The following EPHA6 variants were observed in gnomAD, a reference collection of about 807,000 sequenced individuals.
EPHA6 encodes ephrin type-A receptor 6.
A neutral mutation model predicts 112.0 loss-of-function variants in EPHA6; 50 were observed. That is an observed-to-expected ratio of 0.45 (90% CI 0.36 to 0.56). The LOEUF (loss-of-function observed/expected upper bound fraction) is 0.56. Ranked by LOEUF, EPHA6 falls within the 20% of genes least tolerant of loss-of-function variation. EPHA6 has a pLI of 0.00. For synonymous variants in EPHA6, 529 were observed against 490.7 expected, an observed-to-expected ratio of 1.08 and a Z score of -1.03; for missense variants, 1,280 against 1,417.4, an observed-to-expected ratio of 0.90 and a Z score of 1.56.
At chr3:97,171,121 A>G (rs1034692198) in intron 3 of EPHA6, among the ~76,000 whole-genome samples, 2 of 152,162 alleles carry the variant, frequency 1.3e-5, no homozygotes, top group African/African-American at 4.8e-5. Context: ...TAGAACAAAG[A>G]TGGTTAGTAT....
At chr3:97,670,797 T>TCA (rs748996387) in intron 14 of EPHA6, among the ~76,000 whole-genome samples, 29 of 152,232 alleles carry the variant, frequency 1.9e-4, no homozygotes, top group Non-Finnish European at 3.7e-4. Context: ...ATCACCGTCA[T>TCA]CACACACACT....
intron 5 of EPHA6, among the ~76,000 whole-genome samples, chr3:97,278,133 A>C (rs756638966): frequency 5.3e-5 from 8 of 152,226 alleles, no homozygotes; most frequent in African/African-American, 1.9e-4. Context: ...AAGGATGTTC[A>C]CTAAGCATGT....
intron 2 of EPHA6, among the ~76,000 whole-genome samples, chr3:96,980,308 A>T (rs1279543732): frequency 6.6e-6 from 1 of 152,156 alleles, no homozygotes; most frequent in Non-Finnish European, 1.5e-5. Context: ...TTAAATAGGG[A>T]ATCCTTTCCC....
chr3:97,748,901 C>A lies in EPHA6; in HGVS notation c.*200C>A. ...ACATAAATCCGTTCTGAATAACCTGCAACTAAAACCCTGGCCCACTGCAGA... is the reference window on the plus strand; with the variant it reads ...ACATAAATCCGTTCTGAATAACCTGAAACTAAAACCCTGGCCCACTGCAGA... On this transcript the variant is annotated 3_prime_UTR_variant, in exon 18 of 18. Transcript: ENST00000389672. The A allele has an allele frequency of 1.9e-6, 1 of 540,498 alleles. No individual in the cohort carries two copies. Among genetic ancestry groups the A allele is most frequent in the African/African-American group, 1.9e-5 (1 of 53,252 alleles). 33.5% of individuals were successfully genotyped at this position (540,498 alleles called of 1,614,324 possible).
chr3:97,007,966 G>A (rs923102000), intron 3 of EPHA6, among the ~76,000 whole-genome samples: 3 of 152,224 alleles, frequency 2.0e-5, no homozygotes, highest in Non-Finnish European at 4.4e-5. Context: ...TTTCTGCTGA[G>A]AAGTCTGCTG....
chr3:97,334,992 C>A (rs2082988881), intron 5 of EPHA6, among the ~76,000 whole-genome samples: 1 of 152,126 alleles, frequency 6.6e-6, no homozygotes, highest in Non-Finnish European at 1.5e-5. Context: ...ATGGTCTATG[C>A]ATGTTTATTA....
chr3:97,736,138 G>A lies in EPHA6; in HGVS notation c.3128+20G>A, dbSNP rs769873079. On this transcript the variant is annotated intron_variant, in intron 16 of 17. Coordinates refer to ENST00000389672, the MANE Select transcript of EPHA6 (RefSeq NM_001080448.3). Reference sequence around the variant, plus strand: ...CCTTGTGTAAGAGGCATAATGTTGAGTTTTTTTCTTCTTGACAATTATGGT... The same window carrying A: ...CCTTGTGTAAGAGGCATAATGTTGAATTTTTTTCTTCTTGACAATTATGGT... 2 of 1,580,608 alleles carry A rather than the reference G, an allele frequency of 1.3e-6. No individual in the cohort carries two copies. The highest frequency in any genetic ancestry group is 2.3e-5 in the East Asian group (1 of 44,302).
chr3:97,143,522 C>G (rs571518787), intron 3 of EPHA6, among the ~76,000 whole-genome samples: 3 of 151,768 alleles, frequency 2.0e-5, no homozygotes, highest in South Asian at 4.2e-4. Context: ...TTCCTTCTGT[C>G]GTTTTCCAAA....
At chr3:96,850,306 C>T (rs1278381468) in intron 1 of EPHA6, among the ~76,000 whole-genome samples, 1 of 152,024 alleles carries the variant, frequency 6.6e-6, no homozygotes, top group African/African-American at 2.4e-5. Flanking sequence ...GAGTCAGAAG[C>T]TGGACTGCAC....
At chr3:96,955,748 A>G (rs924438859) in intron 2 of EPHA6, among the ~76,000 whole-genome samples, 5 of 152,172 alleles carry the variant, frequency 3.3e-5, no homozygotes, top group East Asian at 1.9e-4. Flanking sequence ...ATGAACAAAA[A>G]CTCATTATCC....
intron 5 of EPHA6, among the ~76,000 whole-genome samples, chr3:97,350,629 C>CT (rs2083761825): frequency 1.3e-5 from 2 of 152,114 alleles, no homozygotes; most frequent in African/African-American, 4.8e-5. Flanking sequence ...TCATTTGCTT[C>CT]TTTTTTATAT....
At chr3:96,816,775 T>A (rs2032820898) in intron 1 of EPHA6, among the ~76,000 whole-genome samples, 1 of 152,040 alleles carries the variant, frequency 6.6e-6, no homozygotes, top group African/African-American at 2.4e-5. Flanking sequence ...TAAAGTGCCA[T>A]TCTGCCAAAA....
rs537531121 is a variant in EPHA6 at position 96,934,506 on chromosome 3, G to C, written c.451-52824G>C. Among the ~76,000 whole-genome samples the C allele has an allele frequency of 1.1e-4, 17 of 151,320 alleles. No homozygotes were observed. In the East Asian group the frequency reaches 2.9e-3, roughly 26 times the overall value. ...TAAAATAATCAAATACAAATTTCTA[G>C]AATTATTAGACAAAATATAGTAAGC... On this transcript the variant is annotated intron_variant, in intron 2 of 17. Coordinates refer to ENST00000389672, the MANE Select transcript of EPHA6 (RefSeq NM_001080448.3).
At chr3:97,109,144 TA>T (rs2047648430) in intron 3 of EPHA6, among the ~76,000 whole-genome samples, 1 of 152,340 alleles carries the variant, frequency 6.6e-6, no homozygotes, top group South Asian at 2.1e-4. Context: ...ATTCGGGTTA[TA>T]AATATTTTTG....
chr3:97,380,522 G>A (rs2085664064), intron 5 of EPHA6, among the ~76,000 whole-genome samples: 1 of 152,122 alleles, frequency 6.6e-6, no homozygotes, highest in African/African-American at 2.4e-5. Flanking sequence ...GGGGAAATGT[G>A]CCACAAGACT....
chr3:96,885,350 T>C (rs1002942050), intron 2 of EPHA6, among the ~76,000 whole-genome samples: 4 of 152,196 alleles, frequency 2.6e-5, no homozygotes, highest in African/African-American at 9.6e-5. Flanking sequence ...TAAATCCCTC[T>C]TGTCCTGAAC....
intron 3 of EPHA6, among the ~76,000 whole-genome samples, chr3:97,165,443 C>T (rs1041562145): frequency 6.6e-6 from 1 of 152,028 alleles, no homozygotes; most frequent in African/African-American, 2.4e-5. Flanking sequence ...TTAAAATTTA[C>T]TTAATTGATA....
chr3:97,305,711 T>C (rs1386475915), intron 5 of EPHA6, among the ~76,000 whole-genome samples: 4 of 151,760 alleles, frequency 2.6e-5, no homozygotes, highest in Non-Finnish European at 5.9e-5. Flanking sequence ...ACACTGGGCC[T>C]GTCAGTGGGG....
intron 2 of EPHA6, among the ~76,000 whole-genome samples, chr3:96,921,580 ACTT>A (rs1204488080): frequency 6.7e-6 from 1 of 150,286 alleles, no homozygotes; most frequent in African/African-American, 2.5e-5. Flanking sequence ...TAAATACACA[ACTT>A]TTTTTTTTTT....
Sources: allele counts gnomAD v4.1 joint callset (sites outside exome capture counted in the v4.1 genomes callset), GRCh38; gene constraint gnomAD v4.1.1; transcripts MANE v1.5; gene names NCBI Gene and HGNC (gene_info 2026-07-23, HGNC 2026-07-21).